Variants in BAALC observed in about 807,000 individuals in gnomAD.
BAALC encodes the protein brain and acute leukemia cytoplasmic protein.
Under a neutral mutation model 15.5 loss-of-function variants are expected in BAALC, and 9 were observed. The observed-to-expected ratio is 0.58, with a 90% CI of 0.35 to 1.02. BAALC has a LOEUF of 1.02. Ranked by LOEUF, BAALC falls within the 50% of genes least tolerant of loss-of-function variation. The probability of loss-of-function intolerance (pLI) is 0.02; values close to 1 mark genes in which losing one functional copy is unlikely to be tolerated. For synonymous variants in BAALC, 80 were observed against 74.6 expected (o/e 1.07, Z -0.37); for missense variants, 201 against 192.4 (o/e 1.04, Z -0.27).
intron 1 of BAALC, among the ~76,000 whole-genome samples, chr8:103,154,920 CTA>C (rs56402841): frequency 0.44 from 56,433 of 129,674 alleles, 10,936 homozygotes; most frequent in East Asian, 0.63. Flanking sequence ...CTATCTCAAG[CTA>C]TATATATATA....
chr8:103,194,755 C>T (rs970554423), intron 1 of BAALC, among the ~76,000 whole-genome samples: 4 of 152,172 alleles, frequency 2.6e-5, no homozygotes, highest in Non-Finnish European at 5.9e-5. Flanking sequence ...ATAGACGGTG[C>T]CATCTAGTGC....
chr8:103,163,959 G>T (rs1811285701), intron 1 of BAALC, among the ~76,000 whole-genome samples: 1 of 152,144 alleles, frequency 6.6e-6, no homozygotes, highest in Non-Finnish European at 1.5e-5. Flanking sequence ...GCTTACATTT[G>T]GGTTTGAGCT....
At chr8:103,211,143 A>C (rs564637833) in intron 1 of BAALC, among the ~76,000 whole-genome samples, 33 of 152,184 alleles carry the variant, frequency 2.2e-4, no homozygotes, top group Non-Finnish European at 3.8e-4. Context: ...TTGAGGTTTC[A>C]CATCTTTCTT....
chr8:103,150,845 G>A (rs902104215), intron 1 of BAALC, among the ~76,000 whole-genome samples: 4 of 152,038 alleles, frequency 2.6e-5, no homozygotes, highest in Non-Finnish European at 4.4e-5. Flanking sequence ...AGGATCACCC[G>A]GCCAGATCCG....
chr8:103,185,150 C>G (rs1470384603), intron 1 of BAALC, among the ~76,000 whole-genome samples: 2 of 151,934 alleles, frequency 1.3e-5, no homozygotes, highest in South Asian at 4.2e-4. Context: ...GCCTCTATTG[C>G]AAAAGCGTAA....
intron 1 of BAALC, among the ~76,000 whole-genome samples, chr8:103,205,050 G>A (rs1038215765): frequency 6.6e-6 from 1 of 152,186 alleles, no homozygotes; most frequent in African/African-American, 2.4e-5. Context: ...GATTGCCAAT[G>A]TCTTATACTT....
chr8:103,212,180 C>T (rs1404229405), intron 1 of BAALC, among the ~76,000 whole-genome samples: 2 of 152,200 alleles, frequency 1.3e-5, no homozygotes, highest in Non-Finnish European at 2.9e-5. Context: ...CATGTTATCT[C>T]ATGCCTGTAA....
chr8:103,164,556 A>G (rs1327214851), intron 1 of BAALC, among the ~76,000 whole-genome samples: 1 of 152,206 alleles, frequency 6.6e-6, no homozygotes, highest in Non-Finnish European at 1.5e-5. Context: ...AAATGATGAA[A>G]TTCTTGGCAT....
intron 1 of BAALC, among the ~76,000 whole-genome samples, chr8:103,163,658 A>G (rs1811278705): frequency 6.6e-6 from 1 of 152,010 alleles, no homozygotes; most frequent in African/African-American, 2.4e-5. Flanking sequence ...TCCAGGCCCA[A>G]CTGCTGCCCT....
chr8:103,227,874 CA>C (rs1268037108), intron 2 of BAALC, 114 bp from the exon 3 acceptor site: 6 of 686,780 alleles, frequency 8.7e-6, no homozygotes, highest in Non-Finnish European at 1.5e-5. Flanking sequence ...TCCTTTTTCC[CA>C]GGCACATTCT....
chr8:103,213,349 A>G, intron 2 of BAALC: 1 of 368,286 alleles, frequency 2.7e-6, no homozygotes. Context: ...GGCCACTGTC[A>G]CCATGTTGAT....
chr8:103,206,071 T>G (rs1812321761), intron 1 of BAALC, among the ~76,000 whole-genome samples: 1 of 152,152 alleles, frequency 6.6e-6, no homozygotes, highest in Admixed American at 6.5e-5. Flanking sequence ...TGAATATAAG[T>G]GTGGCAGCAG....
chr8:103,220,776 A>C (rs1015740408), intron 2 of BAALC, among the ~76,000 whole-genome samples: 5 of 152,222 alleles, frequency 3.3e-5, no homozygotes, highest in Non-Finnish European at 7.3e-5. Flanking sequence ...AAGGCACTAG[A>C]AGCCCTTCTC....
At chr8:103,188,600 G>A (rs976587300) in intron 1 of BAALC, among the ~76,000 whole-genome samples, 2 of 152,228 alleles carry the variant, frequency 1.3e-5, no homozygotes, top group East Asian at 1.9e-4. Context: ...TGCAGGGTGT[G>A]TGGAGCAGAG....
chr8:103,182,533 T>C (rs1434070961), intron 1 of BAALC, among the ~76,000 whole-genome samples: 1 of 152,214 alleles, frequency 6.6e-6, no homozygotes, highest in East Asian at 1.9e-4. Context: ...ACTCACACTG[T>C]CTTCATGACT....
At chr8:103,146,918 T>G (rs1810892258) in intron 1 of BAALC, among the ~76,000 whole-genome samples, 2 of 151,316 alleles carry the variant, frequency 1.3e-5, no homozygotes, top group Admixed American at 1.3e-4. Flanking sequence ...CCAGACACTT[T>G]GAGAGTCTAG....
intron 1 of BAALC, among the ~76,000 whole-genome samples, chr8:103,207,304 G>A (rs1189549209): frequency 6.6e-6 from 1 of 152,164 alleles, no homozygotes; most frequent in East Asian, 1.9e-4. Context: ...CATATACATG[G>A]GAGATATCTA....
At chr8:103,203,709 A>C (rs1370346361) in intron 1 of BAALC, among the ~76,000 whole-genome samples, 1 of 152,152 alleles carries the variant, frequency 6.6e-6, no homozygotes, top group Non-Finnish European at 1.5e-5. Flanking sequence ...GGCTTCTTTC[A>C]CGTAGCGTAA....
intron 1 of BAALC, among the ~76,000 whole-genome samples, chr8:103,205,538 T>A (rs1262863910): frequency 1.3e-5 from 2 of 151,964 alleles, no homozygotes; most frequent in East Asian, 3.9e-4. Context: ...GATAGATAGA[T>A]GATAGATAGA....
Sources: allele counts gnomAD v4.1 joint callset (sites outside exome capture counted in the v4.1 genomes callset), GRCh38; gene constraint gnomAD v4.1.1; transcripts MANE v1.5; gene names NCBI Gene and HGNC (gene_info 2026-07-23, HGNC 2026-07-21).